CAPN9: variants seen among roughly 807,000 people sequenced by gnomAD.
CAPN9 encodes calpain 9, also known as calpain-9.
CAPN9 carries 81 observed loss-of-function variants against 92.8 expected under a neutral mutation model. That is an observed-to-expected ratio of 0.87 (90% CI 0.73 to 1.05). The LOEUF (loss-of-function observed/expected upper bound fraction) is 1.05. CAPN9 is among the 50% of genes least tolerant of loss of function. The pLI is 0.00. For synonymous variants in CAPN9, 304 were observed against 328.0 expected, an observed-to-expected ratio of 0.93 and a Z score of 0.79; for missense variants, 848 against 866.2, an observed-to-expected ratio of 0.98 and a Z score of 0.26.
In CAPN9 at chr1:230,759,520, T is replaced by G. The variant is rs1219629724; in HGVS notation, c.292T>G (p.Trp98Gly). 6.2e-7 allele frequency: 1 copy of G among 1,606,976 alleles called. No individual in the cohort carries two copies. The highest frequency in any genetic ancestry group is 2.2e-5 in the East Asian group (1 of 44,450). The change falls in exon 3 of 20, where the codon TGG becomes GGG. Residue 98 changes from tryptophan (W) to glycine (G), a missense_variant. Physicochemically the swap from Trp to Gly is radical, Grantham distance 184 (BLOSUM62 -2). Coordinates refer to ENST00000271971, the MANE Select transcript of CAPN9 (RefSeq NM_006615.3). ...DICQGELGDC[W>G]LLAAIASLTL... is the part of the protein sequence containing the mutation. ...TGGCTTCCATTTTGCAGGAGACTGC[T>G]GGCTATTAGCCGCCATCGCCTCCCT...
chr1:230,751,671 GAAA>G (rs1664843328), intron 1 of CAPN9, among the ~76,000 whole-genome samples: 1 of 47,672 alleles, frequency 2.1e-5, no homozygotes, highest in African/African-American at 1.4e-4. Context: ...AAGAAAGAAA[GAAA>G]GAAAGAAAGA....
In CAPN9 at chr1:230,790,145, C is replaced by T. The variant is rs1572084682; in HGVS notation, c.1613C>T (p.Thr538Ile). Residue 538 changes from threonine to isoleucine, a missense_variant, in exon 14 of 20, where the codon ACA (threonine) becomes ATA (isoleucine). Physicochemically the swap from Thr to Ile is moderately conservative, Grantham distance 89. Coordinates refer to ENST00000271971, the MANE Select transcript of CAPN9 (RefSeq NM_006615.3). ...CCACTTCAACAGGACATGGAGGTGA[C>T]AGCAGAGGAACTTGAGTATGTTTTA... ...EQVAGEDMEV[T>I]AEELEYVLNA... 3 of 1,613,874 alleles carry T rather than the reference C, an allele frequency of 1.9e-6. No individual in the cohort carries two copies. Among genetic ancestry groups the T allele is most frequent in the South Asian group, 1.1e-5 (1 of 91,074 alleles).
rs965986400 is a variant in CAPN9, at chr1:230,769,361, C to T, written c.789+98C>T. 23 of 871,066 alleles carry T rather than the reference C, an allele frequency of 2.6e-5. No homozygotes were observed. In the Admixed American group the frequency reaches 4.4e-4, roughly 17 times the overall value. The allele number at this position is 871,066 out of a possible 1,614,324, so 54.0% of individuals were successfully genotyped here. ...AGTGCATTGCAGTTTAAATGTCTGC[C>T]TTTCAGGCATTTCAGAGATTATGTC... On this transcript the variant is annotated intron_variant, in intron 6 of 19. Transcript: ENST00000271971.
intron 2 of CAPN9, among the ~76,000 whole-genome samples, chr1:230,756,279 G>GT (rs1665222369): frequency 6.6e-6 from 1 of 151,906 alleles, no homozygotes; most frequent in South Asian, 2.1e-4. Flanking sequence ...ACTGATGTTA[G>GT]TTAATTAGCT....
At chr1:230,789,126 A>T (rs1033450322) in intron 13 of CAPN9, among the ~76,000 whole-genome samples, 4 of 152,122 alleles carry the variant, frequency 2.6e-5, no homozygotes, top group Admixed American at 2.6e-4. Context: ...TTCAGGACGG[A>T]CATGTGTTAG....
In CAPN9 at chr1:230,780,232, G is replaced by A; in HGVS notation, c.1168G>A (p.Gly390Arg). 1 of 1,613,912 alleles carries A rather than the reference G, an allele frequency of 6.2e-7. No individual in the cohort carries two copies. Among genetic ancestry groups the A allele is most frequent in the Non-Finnish European group, 8.5e-7 (1 of 1,179,868 alleles). ...ATTGTCTCTGACTGAGAAAGATGAG[G>A]GGCAGGAGGAGTGTAGTTTCCTTGT... Reference protein sequence around the residue: ...IKLSLTEKDEGQEECSFLVAL... With the variant: ...IKLSLTEKDERQEECSFLVAL... Residue 390 changes from glycine (G) to arginine (R), a missense_variant, in exon 10 of 20, where the codon GGG becomes AGG. Gly to Arg is a moderately radical substitution (Grantham distance 125). Transcript: ENST00000271971.
At chr1:230,775,938 TACAACCCAAAACC>T (rs1337822968) in intron 8 of CAPN9, 1 of 150,424 alleles carries the variant, frequency 6.6e-6, no homozygotes, top group African/African-American at 2.5e-5. Context: ...AAAAAAATAC[TACAACCCAAAACC>T]ATGACTATTC....
At chr1:230,796,297 C>T (rs1464438033) in intron 18 of CAPN9, among the ~76,000 whole-genome samples, 1 of 150,382 alleles carries the variant, frequency 6.6e-6, no homozygotes, top group East Asian at 1.9e-4. Flanking sequence ...GCACTCCAGC[C>T]TGGGCAACAG....
intron 15 of CAPN9, 121 bp from the exon 16 acceptor site, chr1:230,792,305 C>A: frequency 1.3e-6 from 1 of 788,786 alleles, no homozygotes; most frequent in Non-Finnish European, 2.2e-6. Context: ...CCCCAGGGCC[C>A]CAAACCTGTG....
chr1:230,776,036 G>T (rs1337258217), intron 8 of CAPN9: 1 of 151,574 alleles, frequency 6.6e-6, no homozygotes, highest in African/African-American at 2.4e-5. Context: ...TTTTATAGTT[G>T]TCTTAGTCTA....
chr1:230,755,436 AG>A (rs1285524769), intron 2 of CAPN9, 30 bp downstream of exon 2: 1 of 1,552,706 alleles, frequency 6.4e-7, no homozygotes, highest in African/African-American at 1.4e-5. Flanking sequence ...GCATGGCGAG[AG>A]GGAGGTTGAG....
At chr1:230,800,298 GAA>G (rs1558124412) in intron 19 of CAPN9, among the ~76,000 whole-genome samples, 2 of 95,850 alleles carry the variant, frequency 2.1e-5, no homozygotes, top group Non-Finnish European at 4.6e-5. Flanking sequence ...AAGAAAGAAA[GAA>G]AGAAAGGAAA....
At chr1:230,800,254 G>A (rs1194714205) in intron 19 of CAPN9, among the ~76,000 whole-genome samples, 1 of 113,792 alleles carries the variant, frequency 8.8e-6, no homozygotes. Context: ...AAGAAAGAAA[G>A]AAAGAAAGAA....
intron 6 of CAPN9, 113 bp downstream of exon 6, chr1:230,769,376 G>T: frequency 1.3e-6 from 1 of 766,490 alleles, no homozygotes. Context: ...AGGCATTTCA[G>T]AGATTATGTC....
chr1:230,799,949 C>T (rs561975786), intron 19 of CAPN9, among the ~76,000 whole-genome samples: 5 of 151,810 alleles, frequency 3.3e-5, no homozygotes, highest in Non-Finnish European at 5.9e-5. Flanking sequence ...GAGGCTGAGG[C>T]GGGTGAATCA....
chr1:230,755,231 A>AGGGAAAGCCCTCTGCCCC, intron 1 of CAPN9, 106 bp from the exon 2 acceptor site: 1 of 857,984 alleles, frequency 1.2e-6, no homozygotes, highest in Non-Finnish European at 1.9e-6. Context: ...AATCAAGCAC[A>AGGGAAAGCCCTCTGCCCC]GGGAAAGCCC....
chr1:230,790,207 C>T lies in CAPN9; in HGVS notation c.1657+18C>T, dbSNP rs1051924838. 8.1e-6 allele frequency: 13 copies of T among 1,613,382 alleles called. No individual in the cohort carries two copies. Among genetic ancestry groups the T allele is most frequent in the Non-Finnish European group, 3.4e-6 (4 of 1,179,620 alleles). On this transcript the variant is annotated intron_variant, in intron 14 of 19. Coordinates refer to ENST00000271971, the MANE Select transcript of CAPN9 (RefSeq NM_006615.3). ...GCAAAAGAGTAAGTGCCAACCCCATCGGGGTCCTGGGGCACCTATGGAGGG... is the reference window on the plus strand; with the variant it reads ...GCAAAAGAGTAAGTGCCAACCCCATTGGGGTCCTGGGGCACCTATGGAGGG...
chr1:230,776,484 C>G (rs1189094472), intron 8 of CAPN9: 2 of 152,244 alleles, frequency 1.3e-5, no homozygotes, highest in East Asian at 3.8e-4. Context: ...CATGATCCCT[C>G]TTGCTCAACT....
chr1:230,749,139 A>G (rs190348056), intron 1 of CAPN9, among the ~76,000 whole-genome samples: 2 of 152,334 alleles, frequency 1.3e-5, no homozygotes, highest in Non-Finnish European at 2.9e-5. Flanking sequence ...TGGGGAAATC[A>G]CAGTGAGCAT....
Sources: allele counts gnomAD v4.1 joint callset (sites outside exome capture counted in the v4.1 genomes callset), GRCh38; gene constraint gnomAD v4.1.1; transcripts MANE v1.5; gene names NCBI Gene and HGNC (gene_info 2026-07-23, HGNC 2026-07-21).